The following CFAP47 variants were observed in gnomAD, a reference collection of about 807,000 sequenced individuals.
CFAP47 encodes the protein cilia and flagella associated protein 47, also known as cilia- and flagella-associated protein 47.
Under a neutral mutation model 148.1 loss-of-function variants are expected in CFAP47, and 29 were observed. The ratio of observed to expected loss-of-function variants is 0.20; its 90% CI spans 0.15 to 0.27. The LOEUF (loss-of-function observed/expected upper bound fraction) is 0.27. Among genes scored for constraint, CFAP47 ranks in the 10% least tolerant of loss-of-function variants. The pLI, the probability that CFAP47 is intolerant of heterozygous loss-of-function variation, is 1.00. For missense variants in CFAP47, 1,872 were observed against 1,697.5 expected (o/e 1.10, Z -1.81); for synonymous variants, 664 against 577.3 (o/e 1.15, Z -2.15).
At chrX:36,128,233 A>G (rs1306910103) in intron 33 of CFAP47, among the ~76,000 whole-genome samples, 2 of 110,947 alleles carry the variant, frequency 1.8e-5, no homozygotes, top group East Asian at 5.7e-4. Context: ...AGTGTGATTT[A>G]TATGTGAATA....
At chrX:36,379,329 A>G in intron 62 of CFAP47, 21 bp from the exon 63 acceptor site, 1 of 1,161,161 alleles carries the variant, frequency 8.6e-7, no homozygotes, top group Non-Finnish European at 1.2e-6. Context: ...TACTAAGTTG[A>G]ATTTTGTACT....
intron 57 of CFAP47, among the ~76,000 whole-genome samples, chrX:36,328,809 T>C (rs1602110574): frequency 1.4e-5 from 1 of 71,510 alleles, no homozygotes; most frequent in African/African-American, 6.0e-5. Flanking sequence ...AGAGCGAGAC[T>C]CTGTCTCAAA....
intron 27 of CFAP47, 127 bp from the exon 28 acceptor site, chrX:36,071,698 A>G (rs1334056433): frequency 3.9e-6 from 2 of 517,658 alleles, no homozygotes; most frequent in Non-Finnish European, 5.9e-6. Context: ...TTACTTTGTC[A>G]TAGATAGATG....
At chrX:35,920,159 G>A in intron 1 of CFAP47, 111 bp downstream of exon 1, 1 of 849,970 alleles carries the variant, frequency 1.2e-6, no homozygotes. Context: ...ATGGAGGGAG[G>A]ATTGGGCTTC....
chrX:36,188,149 C>T (rs1430611151), intron 40 of CFAP47, among the ~76,000 whole-genome samples: 2 of 111,254 alleles, frequency 1.8e-5, no homozygotes, highest in South Asian at 3.7e-4. Flanking sequence ...AATCAAATTC[C>T]GAAGTCTTCT....
At chrX:36,296,428 C>A (rs1340995302) in intron 51 of CFAP47, among the ~76,000 whole-genome samples, 2 of 111,863 alleles carry the variant, frequency 1.8e-5, no homozygotes, top group African/African-American at 3.2e-5. Context: ...GTGTAGGTCA[C>A]AACATGTGAG....
At chrX:35,986,592 C>T (rs1163333167) in intron 15 of CFAP47, among the ~76,000 whole-genome samples, 2 of 110,335 alleles carry the variant, frequency 1.8e-5, no homozygotes, top group African/African-American at 6.6e-5. Context: ...TATCCACCTT[C>T]TGAAGCCTAC....
chrX:35,975,105 G>T (rs1404938330), intron 13 of CFAP47, 42 bp from the exon 14 acceptor site: 2 of 772,769 alleles, frequency 2.6e-6, no homozygotes, highest in East Asian at 3.6e-5. Context: ...GAAGTCATTT[G>T]CCATCTTTAA....
At chrX:35,941,238 T>C in intron 2 of CFAP47, 45 bp from the exon 3 acceptor site, 1 of 716,852 alleles carries the variant, frequency 1.4e-6, no homozygotes, top group Non-Finnish European at 2.1e-6. Flanking sequence ...ATCAGGCTCT[T>C]ATGATTGTTA....
intron 56 of CFAP47, among the ~76,000 whole-genome samples, chrX:36,316,885 A>T (rs73460152): frequency 0.041 from 4,546 of 111,706 alleles, 224 homozygotes; most frequent in African/African-American, 0.14. Flanking sequence ...TCCCGGGCTC[A>T]GATGATTCTC....
At chrX:35,920,158 G>A in intron 1 of CFAP47, 110 bp downstream of exon 1, 6 of 848,112 alleles carry the variant, frequency 7.1e-6, no homozygotes, top group Non-Finnish European at 9.7e-6. Context: ...GATGGAGGGA[G>A]GATTGGGCTT....
intron 33 of CFAP47, among the ~76,000 whole-genome samples, chrX:36,125,483 AC>A (rs982156722): frequency 5.4e-5 from 6 of 110,407 alleles, no homozygotes; most frequent in Non-Finnish European, 1.1e-4. Flanking sequence ...TTATTGAACT[AC>A]AAAAAATCAA....
chrX:36,038,069 A>G (rs1010263410), intron 24 of CFAP47, among the ~76,000 whole-genome samples: 8 of 111,431 alleles, frequency 7.2e-5, no homozygotes, highest in African/African-American at 2.6e-4. Context: ...GGCTTATTTG[A>G]TTAAGTAATG....
At chrX:36,058,478 C>A (rs1937571146) in intron 26 of CFAP47, among the ~76,000 whole-genome samples, 1 of 111,624 alleles carries the variant, frequency 9.0e-6, no homozygotes, top group Admixed American at 9.6e-5. Context: ...GTAGTTTTAC[C>A]ATTCCGAGTC....
intron 57 of CFAP47, among the ~76,000 whole-genome samples, chrX:36,326,633 CT>C (rs1941520258): frequency 8.9e-6 from 1 of 111,868 alleles, no homozygotes; most frequent in Admixed American, 9.5e-5. Flanking sequence ...CATTTTGCCC[CT>C]GCCCTAGAGA....
In CFAP47 at chrX:36,367,025, T is replaced by C. The variant is rs782373659; in HGVS notation, c.9083T>C (p.Met3028Thr). 7 of 1,154,411 alleles carry C rather than the reference T, an allele frequency of 6.1e-6. No individual in the cohort carries two copies. The highest frequency in any genetic ancestry group is 7.0e-6 in the Non-Finnish European group (6 of 862,264). Residue 3028 changes from methionine (M) to threonine (T), a missense_variant, in exon 62 of 64, where the codon ATG (methionine) becomes ACG (threonine). By Grantham distance (81) the Met-to-Thr change is moderately conservative (BLOSUM62 -1). Transcript: ENST00000378653. ...GAAGGGATCTGGAAGTTTCCCATAATGTTGATCGCTACTGAACCTGATACG... is the reference window on the plus strand; with the variant it reads ...GAAGGGATCTGGAAGTTTCCCATAACGTTGATCGCTACTGAACCTGATACG... ...VTEGIWKFPI[M>T]LIATEPDTDA...
At chrX:36,239,619 T>A (rs1445370184) in intron 48 of CFAP47, among the ~76,000 whole-genome samples, 1 of 112,298 alleles carries the variant, frequency 8.9e-6, no homozygotes, top group African/African-American at 3.2e-5. Flanking sequence ...CAAAAATATT[T>A]AGCAGCAATG....
At chrX:36,254,963 G>A (rs1188656585) in intron 49 of CFAP47, among the ~76,000 whole-genome samples, 1 of 111,789 alleles carries the variant, frequency 8.9e-6, no homozygotes. Flanking sequence ...ATGTACTAAT[G>A]TTATACCAAT....
At chrX:36,171,028 T>A (rs1411243409) in intron 39 of CFAP47, among the ~76,000 whole-genome samples, 1 of 111,430 alleles carries the variant, frequency 9.0e-6, no homozygotes, top group Admixed American at 9.5e-5. Context: ...GGTTTTGATT[T>A]GCATTTCTCT....
Sources: allele counts gnomAD v4.1 joint callset (sites outside exome capture counted in the v4.1 genomes callset), GRCh38; gene constraint gnomAD v4.1.1; transcripts MANE v1.5; gene names NCBI Gene and HGNC (gene_info 2026-07-23, HGNC 2026-07-21).